The following SMYD1 variants were observed in gnomAD, a reference collection of about 807,000 sequenced individuals.
SMYD1 encodes histone-lysine N-methyltransferase SMYD1.
SMYD1 carries 49 observed loss-of-function variants against 54.0 expected under a neutral mutation model. That is an observed-to-expected ratio of 0.91 (90% CI 0.72 to 1.15). The LOEUF is 1.15. Ranked by LOEUF, SMYD1 falls within the 50% of genes most tolerant of loss-of-function variation. The probability of loss-of-function intolerance (pLI) is 0.00; values close to 1 mark genes in which losing one functional copy is unlikely to be tolerated. For missense variants in SMYD1, 653 were observed against 639.6 expected (o/e 1.02, Z -0.23); for synonymous variants, 269 against 234.2 (o/e 1.15, Z -1.36).
chr2:88,080,332 G>T (rs969759842), intron 1 of SMYD1, among the ~76,000 whole-genome samples: 1 of 152,134 alleles, frequency 6.6e-6, no homozygotes, highest in African/African-American at 2.4e-5. Flanking sequence ...GAATTGTGAA[G>T]TGTAATGTTT....
chr2:88,091,969 C>T (rs1674471741), intron 4 of SMYD1, among the ~76,000 whole-genome samples: 1 of 152,224 alleles, frequency 6.6e-6, no homozygotes, highest in African/African-American at 2.4e-5. Flanking sequence ...CCATCACCAC[C>T]TCTAGGCCTG....
chr2:88,097,488 C>A (rs889325497), intron 6 of SMYD1, among the ~76,000 whole-genome samples: 6 of 152,102 alleles, frequency 3.9e-5, no homozygotes, highest in African/African-American at 1.4e-4. Flanking sequence ...AAGCTAAAAC[C>A]GAAGAAAGCA....
rs1241897072 is a variant in SMYD1, at chr2:88,072,523, G to A, written c.137+4522G>A. ...CCTAAATTCTGGATATTAAAATATG[G>A]GAAAAGAAGTTTATTTCAGAATGGA... On this transcript the variant is annotated intron_variant, in intron 1 of 9. Coordinates refer to ENST00000419482, the MANE Select transcript of SMYD1 (RefSeq NM_198274.4). Among the ~76,000 whole-genome samples the A allele has an allele frequency of 2.6e-5, 4 of 152,282 alleles. No individual in the cohort carries two copies. The South Asian group carries it at 8.3e-4, about 32-fold the overall frequency.
chr2:88,071,436 C>A (rs1673944281), intron 1 of SMYD1, among the ~76,000 whole-genome samples: 1 of 152,172 alleles, frequency 6.6e-6, no homozygotes, highest in African/African-American at 2.4e-5. Flanking sequence ...GATCTCTTCA[C>A]CTTTGATGGT....
chr2:88,097,077 G>A (rs148028483), intron 6 of SMYD1, among the ~76,000 whole-genome samples: 229 of 152,314 alleles, frequency 1.5e-3, no homozygotes, highest in African/African-American at 5.0e-3. Flanking sequence ...AGGAGATGAC[G>A]TGTGTAAAAG....
At chr2:88,090,933 T>C (rs1341668361) in intron 3 of SMYD1, 79 bp from the exon 4 acceptor site, 1 of 1,512,758 alleles carries the variant, frequency 6.6e-7, no homozygotes, top group African/African-American at 1.4e-5. Context: ...TCTTCTGTTT[T>C]TTAAAACTCC....
At chr2:88,082,526 G>A (rs1406259733) in intron 1 of SMYD1, 1 of 154,430 alleles carries the variant, frequency 6.5e-6, no homozygotes, top group Admixed American at 6.5e-5. Flanking sequence ...GCTGGGATCA[G>A]TGCTAGGGAT....
intron 5 of SMYD1, among the ~76,000 whole-genome samples, chr2:88,093,864 C>A (rs147313061): frequency 4.6e-5 from 7 of 152,286 alleles, no homozygotes; most frequent in African/African-American, 1.2e-4. Context: ...CCTATCTTGT[C>A]TCCCTAAACC....
In SMYD1 at chr2:88,112,754, C is replaced by A. The variant is rs1675057604; in HGVS notation, c.*2242C>A. 6.6e-6 allele frequency: 1 copy of A among 152,414 alleles called. No homozygotes were observed. The highest frequency in any genetic ancestry group is 1.5e-5 in the Non-Finnish European group (1 of 68,180). The allele number at this position is 152,414 out of a possible 1,614,324, so 9.4% of individuals were successfully genotyped here. ...TTTCGATGTCAATCATCACTCCCAG[C>A]CATTGATTTTGGTGACCCACTTCCC... On this transcript the variant is annotated 3_prime_UTR_variant, in exon 10 of 10. Transcript: ENST00000419482.
chr2:88,075,259 G>A (rs1674032805), intron 1 of SMYD1, among the ~76,000 whole-genome samples: 1 of 152,152 alleles, frequency 6.6e-6, no homozygotes, highest in Non-Finnish European at 1.5e-5. Flanking sequence ...AAATCCAGAA[G>A]TCTGAGAATG....
At chr2:88,098,614 A>T (rs1252897558) in intron 6 of SMYD1, among the ~76,000 whole-genome samples, 2 of 152,182 alleles carry the variant, frequency 1.3e-5, no homozygotes, top group Non-Finnish European at 2.9e-5. Flanking sequence ...TTCAGGCATT[A>T]AAAAAAGGCC....
At chr2:88,094,956 C>G (rs1400675971) in intron 5 of SMYD1, among the ~76,000 whole-genome samples, 13 of 152,176 alleles carry the variant, frequency 8.5e-5, no homozygotes, top group Non-Finnish European at 8.8e-5. Flanking sequence ...TTTGATGCAT[C>G]TTAATTCCCA....
At chr2:88,084,934 G>C (rs555613871) in intron 2 of SMYD1, among the ~76,000 whole-genome samples, 1 of 152,106 alleles carries the variant, frequency 6.6e-6, no homozygotes, top group African/African-American at 2.4e-5. Flanking sequence ...TATTTTTTTA[G>C]AGATGGGGTT....
intron 1 of SMYD1, among the ~76,000 whole-genome samples, chr2:88,070,873 G>A (rs1673930993): frequency 6.8e-6 from 1 of 146,438 alleles, no homozygotes; most frequent in African/African-American, 2.5e-5. Context: ...AACCCGGGAG[G>A]CAGAGGTTGC....
At chr2:88,081,539 G>A (rs979483919) in intron 1 of SMYD1, among the ~76,000 whole-genome samples, 5 of 151,534 alleles carry the variant, frequency 3.3e-5, no homozygotes, top group African/African-American at 4.9e-5. Context: ...GGGTTCAAGC[G>A]ATTCTCCTGC....
In SMYD1 at chr2:88,084,511, G is replaced by A. The variant is rs560563572; in HGVS notation, c.314+19G>A. 3 of 1,555,732 alleles carry A rather than the reference G, an allele frequency of 1.9e-6. No individual in the cohort carries two copies. The highest frequency in any genetic ancestry group is 4.6e-5 in the East Asian group (2 of 43,736). Reference sequence around the variant, plus strand: ...ACATCAGGTGAGAGCTGGGCACCCTGGTGGTGCTTCAGATTTCCAAATGTC... The same window carrying A: ...ACATCAGGTGAGAGCTGGGCACCCTAGTGGTGCTTCAGATTTCCAAATGTC... On this transcript the variant is annotated intron_variant, in intron 2 of 9. Transcript: ENST00000419482.
intron 1 of SMYD1, among the ~76,000 whole-genome samples, chr2:88,071,790 G>A (rs529328385): frequency 5.9e-5 from 9 of 152,182 alleles, no homozygotes; most frequent in Non-Finnish European, 8.8e-5. Flanking sequence ...GGTGATGCAC[G>A]AGTGGGTAAA....
At chr2:88,071,252 C>T (rs1243681217) in intron 1 of SMYD1, among the ~76,000 whole-genome samples, 1 of 152,124 alleles carries the variant, frequency 6.6e-6, no homozygotes, top group African/African-American at 2.4e-5. Context: ...AGGTGTGTAT[C>T]ACAGAAGTGT....
intron 7 of SMYD1, among the ~76,000 whole-genome samples, chr2:88,105,252 G>T (rs1674833424): frequency 6.6e-6 from 1 of 152,164 alleles, no homozygotes. Context: ...CTTTGGCAAA[G>T]TATTTACCCT....
Sources: gnomAD v4.1 joint callset for allele counts (sites outside exome capture counted in the v4.1 genomes callset) on GRCh38, gnomAD v4.1.1 for gene constraint, MANE v1.5 for transcripts, NCBI Gene and HGNC (gene_info 2026-07-23, HGNC 2026-07-21) for gene names.